BCL11B: variants seen among roughly 807,000 people sequenced by gnomAD.
BCL11B encodes B-cell lymphoma/leukemia 11B.
A neutral mutation model predicts 49.9 loss-of-function variants in BCL11B; 8 were observed. The ratio of observed to expected loss-of-function variants is 0.16; its 90% CI spans 0.09 to 0.29. BCL11B has a LOEUF of 0.29. Ranked by LOEUF, BCL11B falls within the 10% of genes least tolerant of loss-of-function variation. BCL11B has a pLI of 1.00. For synonymous variants in BCL11B, 739 were observed against 637.4 expected, an observed-to-expected ratio of 1.16 and a Z score of -2.40; for missense variants, 1,006 against 1,351.0, an observed-to-expected ratio of 0.74 and a Z score of 4.00.
chr14:99,267,604 C>T (rs1595088270), intron 1 of BCL11B, among the ~76,000 whole-genome samples: 2 of 149,870 alleles, frequency 1.3e-5, no homozygotes, highest in Non-Finnish European at 3.0e-5. Flanking sequence ...TGAAATTTAT[C>T]GGAGGCCCAA....
chr14:99,238,956 C>T (rs1286740112), intron 2 of BCL11B, among the ~76,000 whole-genome samples: 1 of 152,150 alleles, frequency 6.6e-6, no homozygotes, highest in Non-Finnish European at 1.5e-5. Context: ...GCATGCACTT[C>T]TATTATCTAT....
intron 3 of BCL11B, among the ~76,000 whole-genome samples, chr14:99,207,925 G>C (rs966054144): frequency 1.3e-5 from 2 of 152,152 alleles, no homozygotes; most frequent in Admixed American, 6.5e-5. Context: ...GGTGGCCCTG[G>C]GCAAGTAACA....
Position 99,216,319 on chromosome 14 carries a change from C to T in BCL11B, c.640+15026G>A, listed in dbSNP as rs190977217. ...AGCGCCCCATTATCACTGCTAGCCG[C>T]CCACTCTCAGTCGTGAGATGGTGCT... On this transcript the variant is annotated intron_variant, in intron 3 of 3. Coordinates refer to ENST00000357195, the MANE Select transcript of BCL11B (RefSeq NM_138576.4). 1.6e-3 allele frequency among the ~76,000 whole-genome samples: 242 copies of T among 152,320 alleles called. 2 individuals carry two copies. Among genetic ancestry groups the T allele is most frequent in the African/African-American group, 5.1e-3 (211 of 41,574 alleles).
In BCL11B at chr14:99,175,861, C is replaced by A; in HGVS notation, c.975G>T (p.Leu325=). The A allele has an allele frequency of 6.8e-7, 1 of 1,477,072 alleles. No homozygotes were observed. The allele number at this position is 1,477,072 out of a possible 1,614,324, so 91.5% of individuals were successfully genotyped here. A position where few individuals can be genotyped will look rare whatever the true frequency, so the allele number is the denominator to read the frequency against. ...PLFSPPPRHH[L]DPHRLSAEEM... ...CCTCGGCACTGAGGCGGTGCGGGTC[C>A]AGGTGGTGGCGCGGCGGGGGACTGA... is the stretch of plus-strand genomic sequence containing the variant. Residue 325 remains leucine (L), a synonymous_variant, in exon 4 of 4, where the codon CTG becomes CTT. Coordinates refer to ENST00000357195, the MANE Select transcript of BCL11B (RefSeq NM_138576.4).
chr14:99,190,235 T>TTA (rs1566802009), intron 3 of BCL11B, among the ~76,000 whole-genome samples: 1 of 152,206 alleles, frequency 6.6e-6, no homozygotes, highest in Non-Finnish European at 1.5e-5. Flanking sequence ...ACGCCTGTAA[T>TTA]CCCAGCACTT....
chr14:99,219,249 G>C (rs1463388000), intron 3 of BCL11B, among the ~76,000 whole-genome samples: 1 of 151,902 alleles, frequency 6.6e-6, no homozygotes, highest in Non-Finnish European at 1.5e-5. Context: ...GCCCAGGCTG[G>C]TCTTGAACTG....
At chr14:99,176,837 C>T (rs1886550220) in intron 3 of BCL11B, among the ~76,000 whole-genome samples, 1 of 152,218 alleles carries the variant, frequency 6.6e-6, no homozygotes, top group South Asian at 2.1e-4. Context: ...GATCACCGAC[C>T]CCTTTGAGAA....
At chr14:99,234,856 A>AC in intron 2 of BCL11B, among the ~76,000 whole-genome samples, 1 of 47,158 alleles carries the variant, frequency 2.1e-5, no homozygotes. Flanking sequence ...GTCTATGCAC[A>AC]AAAAAAAAAA....
chr14:99,254,797 C>T (rs1391213184), intron 2 of BCL11B, among the ~76,000 whole-genome samples: 1 of 152,210 alleles, frequency 6.6e-6, no homozygotes, highest in Non-Finnish European at 1.5e-5. Context: ...GAGAAGTGCC[C>T]GTGATTCCTA....
chr14:99,210,201 G>A (rs1342364755), intron 3 of BCL11B, among the ~76,000 whole-genome samples: 5 of 152,292 alleles, frequency 3.3e-5, no homozygotes, highest in Admixed American at 3.3e-4. Flanking sequence ...AGCAATGGAG[G>A]CACACATGCT....
chr14:99,261,896 A>C (rs1345941013), intron 1 of BCL11B, among the ~76,000 whole-genome samples: 1 of 149,518 alleles, frequency 6.7e-6, no homozygotes, highest in Non-Finnish European at 1.5e-5. Flanking sequence ...CACACACACA[A>C]ACACACGAGT....
At chr14:99,218,061 GTTTTTTTTT>G (rs35487573) in intron 3 of BCL11B, among the ~76,000 whole-genome samples, 5 of 116,920 alleles carry the variant, frequency 4.3e-5, no homozygotes, top group Non-Finnish European at 7.2e-5. Context: ...ATCATTGCAG[GTTTTTTTTT>G]TTTTTTTTTT....
At position 99,217,385 on chromosome 14, in the gene BCL11B, GACACACAC is replaced by G. The variant is rs112404818; in HGVS notation, c.640+13952_640+13959del. The stretch of plus-strand genomic sequence containing the variant: ...GAGTACAAATATACACACACATACA[GACACACAC>G]ACACACACACACACACACACACACG... On this transcript the variant is annotated intron_variant, in intron 3 of 3. Transcript: ENST00000357195. Among the ~76,000 whole-genome samples, 329 of 131,126 alleles carry G rather than the reference GACACACAC, an allele frequency of 2.5e-3. 3 individuals carry two copies. The highest frequency in any genetic ancestry group is 7.8e-3 in the African/African-American group (292 of 37,356). 86.0% of individuals were successfully genotyped at this position (131,126 alleles called of 152,430 possible). A position where few individuals can be genotyped will look rare whatever the true frequency, so the allele number is the denominator to read the frequency against.
At position 99,257,337 on chromosome 14, in the gene BCL11B, G is replaced by A; in HGVS notation, c.427+134C>T. The A allele has an allele frequency of 8.1e-7, 1 of 1,236,024 alleles. No individual in the cohort carries two copies. The highest frequency in any genetic ancestry group is 1.1e-6 in the Non-Finnish European group (1 of 920,608). 76.6% of individuals were successfully genotyped at this position (1,236,024 alleles called of 1,614,324 possible). ...CCTGGATGGTGGACCCTCAGAAAGG[G>A]GGAGCCCCGGCTGGTGGCCCAGAGG... is the stretch of plus-strand genomic sequence containing the variant. On this transcript the variant is annotated intron_variant, in intron 2 of 3. Coordinates refer to ENST00000357195, the MANE Select transcript of BCL11B (RefSeq NM_138576.4). The surrounding 1 kb of genome is among the most constrained non-coding windows in gnomAD (Gnocchi z 6.2).
Position 99,262,321 on chromosome 14 carries a change from C to T in BCL11B, c.59-4482G>A, listed in dbSNP as rs959159836. Among the ~76,000 whole-genome samples, 1 of 152,244 alleles carries T rather than the reference C, an allele frequency of 6.6e-6. No homozygotes were observed. Among genetic ancestry groups the T allele is most frequent in the African/African-American group, 2.4e-5 (1 of 41,482 alleles). ...GCTGTCCCCAGAGCACAGGCATGTG[C>T]GTGGCTGCCTGCACACACACATGTG... is the stretch of plus-strand genomic sequence containing the variant. On this transcript the variant is annotated intron_variant, in intron 1 of 3. Transcript: ENST00000357195. This position sits in a 1 kb window ranked among gnomAD's most constrained non-coding sequence, Gnocchi z 4.2.
Position 99,170,731 on chromosome 14 carries a change from G to GAA in BCL11B, c.*3418_*3419dup. 1 of 233,396 alleles carries GAA rather than the reference G, an allele frequency of 4.3e-6. No individual in the cohort carries two copies. The allele number at this position is 233,396 out of a possible 1,614,324, so 14.5% of individuals were successfully genotyped here. On this transcript the variant is annotated 3_prime_UTR_variant, in exon 4 of 4. Coordinates refer to ENST00000357195, the MANE Select transcript of BCL11B (RefSeq NM_138576.4). ...GAGAGCAAAGCAGCAAAGCAGGGAA[G>GAA]AAAGACAAGAGGCCAACACTCTCCA...
chr14:99,207,614 G>A (rs912582505), intron 3 of BCL11B, among the ~76,000 whole-genome samples: 4 of 152,222 alleles, frequency 2.6e-5, no homozygotes, highest in Non-Finnish European at 5.9e-5. Flanking sequence ...TGCCCTGGAG[G>A]CCTTCACATT....
chr14:99,220,961 C>T (rs2139865571), intron 3 of BCL11B, among the ~76,000 whole-genome samples: 1 of 152,258 alleles, frequency 6.6e-6, no homozygotes, highest in Admixed American at 6.5e-5. Flanking sequence ...AGCGATTCTC[C>T]TGCCTCAGCC....
chr14:99,222,265 A>G (rs1326119813), intron 3 of BCL11B, among the ~76,000 whole-genome samples: 2 of 152,276 alleles, frequency 1.3e-5, no homozygotes, highest in African/African-American at 4.8e-5. Flanking sequence ...GTGGGGGAAA[A>G]AAAATGGATT....
Sources: allele counts gnomAD v4.1 joint callset (sites outside exome capture counted in the v4.1 genomes callset), GRCh38; gene constraint gnomAD v4.1.1; non-coding constraint Gnocchi (gnomAD v3.1); transcripts MANE v1.5; gene names NCBI Gene and HGNC (gene_info 2026-07-23, HGNC 2026-07-21).